PELI2: variants seen among roughly 807,000 people sequenced by gnomAD.
PELI2 encodes E3 ubiquitin-protein ligase pellino homolog 2.
In PELI2, 23 loss-of-function variants were observed where a neutral mutation model predicts 42.3. That is an observed-to-expected ratio of 0.54 (90% CI 0.39 to 0.77). PELI2 has a LOEUF of 0.77. Ranked by LOEUF, PELI2 falls within the 30% of genes least tolerant of loss-of-function variation. The probability of loss-of-function intolerance (pLI) is 0.00; values close to 1 mark genes in which losing one functional copy is unlikely to be tolerated. For synonymous variants in PELI2, 245 were observed against 212.2 expected, an observed-to-expected ratio of 1.15 and a Z score of -1.34; for missense variants, 463 against 553.2, an observed-to-expected ratio of 0.84 and a Z score of 1.64.
At chr14:56,151,636 C>T (rs922888898) in intron 1 of PELI2, among the ~76,000 whole-genome samples, 25 of 152,168 alleles carry the variant, frequency 1.6e-4, no homozygotes, top group Non-Finnish European at 3.5e-4. Context: ...GTTCTCTTCT[C>T]TTAGATGAGG....
chr14:56,182,864 G>C (rs893247492), intron 2 of PELI2, among the ~76,000 whole-genome samples: 1 of 152,066 alleles, frequency 6.6e-6, no homozygotes, highest in Non-Finnish European at 1.5e-5. Flanking sequence ...GATGTGCTGG[G>C]GTCCACTTTG....
chr14:56,259,146 A>G (rs1327754104), intron 2 of PELI2, among the ~76,000 whole-genome samples: 1 of 152,122 alleles, frequency 6.6e-6, no homozygotes, highest in African/African-American at 2.4e-5. Context: ...AGTGAAAGAG[A>G]AGTAAAGACT....
At chr14:56,263,010 G>T (rs1364858693) in intron 2 of PELI2, among the ~76,000 whole-genome samples, 1 of 152,098 alleles carries the variant, frequency 6.6e-6, no homozygotes, top group Non-Finnish European at 1.5e-5. Context: ...TCAAGGATGT[G>T]CAGTGGCGTG....
At chr14:56,211,802 CT>C (rs3837611) in intron 2 of PELI2, among the ~76,000 whole-genome samples, 59,725 of 150,310 alleles carry the variant, frequency 0.4, 12,674 homozygotes, top group South Asian at 0.53. Flanking sequence ...TTAAAAGGCT[CT>C]TTTTTTTTTA....
At chr14:56,164,341 T>C (rs980552565) in intron 1 of PELI2, among the ~76,000 whole-genome samples, 1 of 152,158 alleles carries the variant, frequency 6.6e-6, no homozygotes. Context: ...GTGTATCATA[T>C]TGATTGATTT....
chr14:56,212,219 C>T (rs187040848), intron 2 of PELI2, among the ~76,000 whole-genome samples: 25 of 152,354 alleles, frequency 1.6e-4, no homozygotes, highest in South Asian at 8.3e-4. Context: ...ACAAAACAAT[C>T]CATTCTCTTA....
intron 1 of PELI2, among the ~76,000 whole-genome samples, chr14:56,163,375 T>A (rs1884837232): frequency 6.6e-6 from 1 of 152,168 alleles, no homozygotes; most frequent in Non-Finnish European, 1.5e-5. Flanking sequence ...CAAAAATGAG[T>A]TCACTGTGGG....
At chr14:56,125,579 C>T (rs184508399) in intron 1 of PELI2, among the ~76,000 whole-genome samples, 38 of 152,202 alleles carry the variant, frequency 2.5e-4, no homozygotes, top group African/African-American at 8.9e-4. Flanking sequence ...TTTAAGCCAC[C>T]TTGAGTGGGT....
intron 1 of PELI2, among the ~76,000 whole-genome samples, chr14:56,149,043 T>C (rs1200907033): frequency 1.3e-5 from 2 of 152,204 alleles, no homozygotes; most frequent in African/African-American, 4.8e-5. Context: ...GGTCACCTCC[T>C]TAGCTTACTT....
In PELI2 at chr14:56,230,138, A is replaced by G. The variant is rs576330451; in HGVS notation, c.208-49538A>G. Among the ~76,000 whole-genome samples the G allele has an allele frequency of 1.8e-4, 28 of 152,352 alleles. 1 individual carries two copies. Among genetic ancestry groups the G allele is most frequent in the Middle Eastern group, 3.4e-3 (1 of 294 alleles). ...TCCATTTCTGATTGGTGTACGTGAA[A>G]GTGAAGGGGAGAATGGAACCAAGTT... is the stretch of plus-strand genomic sequence containing the variant. On this transcript the variant is annotated intron_variant, in intron 2 of 5. Coordinates refer to ENST00000267460, the MANE Select transcript of PELI2 (RefSeq NM_021255.3).
chr14:56,187,168 A>G (rs1475944477), intron 2 of PELI2, among the ~76,000 whole-genome samples: 1 of 152,184 alleles, frequency 6.6e-6, no homozygotes, highest in Non-Finnish European at 1.5e-5. Flanking sequence ...GGTAGAAAAT[A>G]TTCTGAAGGA....
intron 2 of PELI2, among the ~76,000 whole-genome samples, chr14:56,212,085 G>C (rs748021193): frequency 3.3e-5 from 5 of 152,202 alleles, no homozygotes; most frequent in Non-Finnish European, 5.9e-5. Context: ...ACCAGTTGGA[G>C]TAGATGTCAC....
At chr14:56,251,944 C>G (rs972642799) in intron 2 of PELI2, among the ~76,000 whole-genome samples, 1 of 151,940 alleles carries the variant, frequency 6.6e-6, no homozygotes, top group African/African-American at 2.4e-5. Context: ...CACCGTAATT[C>G]TTTTTTTTAA....
intron 5 of PELI2, among the ~76,000 whole-genome samples, chr14:56,294,403 A>G (rs1369195587): frequency 1.3e-5 from 2 of 152,176 alleles, no homozygotes; most frequent in Admixed American, 1.3e-4. Flanking sequence ...CCTGGTTTCC[A>G]GTTAGGAAGG....
At chr14:56,131,710 A>T (rs1883490520) in intron 1 of PELI2, among the ~76,000 whole-genome samples, 1 of 152,172 alleles carries the variant, frequency 6.6e-6, no homozygotes, top group South Asian at 2.1e-4. Context: ...AAAAGGCCCA[A>T]ATCTTCATCA....
In PELI2 at chr14:56,118,699, TA is replaced by T; in HGVS notation, c.41del (p.Lys14ArgfsTer4). The T allele has an allele frequency of 6.6e-7, 1 of 1,525,988 alleles. No individual in the cohort carries two copies. Among genetic ancestry groups the T allele is most frequent in the Non-Finnish European group, 8.8e-7 (1 of 1,136,654 alleles). The allele number at this position is 1,525,988 out of a possible 1,614,324, so 94.5% of individuals were successfully genotyped here. On this transcript the variant is annotated frameshift_variant, in exon 1 of 6. Transcript: ENST00000267460. LOFTEE classifies it high-confidence loss of function. ...GCCAGGAGGAACACTGCGCCCCCAA[TA>T]AGGAGCCAGTGAAATACGGGGAGCT... is the stretch of plus-strand genomic sequence containing the variant. Reference protein sequence around the residue: ...PGQEEHCAPNKEPVKYGELVV... With the variant: ...PGQEEHCAPNXEPVKYGELVV...
chr14:56,273,317 A>G lies in PELI2; in HGVS notation c.208-6359A>G, dbSNP rs1889169113. Among the ~76,000 whole-genome samples the G allele has an allele frequency of 6.6e-6, 1 of 152,164 alleles. No homozygotes were observed. Among genetic ancestry groups the G allele is most frequent in the South Asian group, 2.1e-4 (1 of 4,828 alleles). ...ACAGCTGGGAACCCCCAGAGCGGCA[A>G]ATGGAAGCTGCAAGCCTTTCCTGAC... On this transcript the variant is annotated intron_variant, in intron 2 of 5. Coordinates refer to ENST00000267460, the MANE Select transcript of PELI2 (RefSeq NM_021255.3). This position sits in a 1 kb window ranked among gnomAD's most constrained non-coding sequence, Gnocchi z 4.3.
chr14:56,132,140 G>A (rs1883509126), intron 1 of PELI2, among the ~76,000 whole-genome samples: 1 of 152,170 alleles, frequency 6.6e-6, no homozygotes, highest in Non-Finnish European at 1.5e-5. Flanking sequence ...TGGAGGAGGA[G>A]ATGCCATCCC....
Position 56,251,440 on chromosome 14 carries a change from C to T in PELI2, c.208-28236C>T, listed in dbSNP as rs148528355. Among the ~76,000 whole-genome samples the T allele has an allele frequency of 1.3e-3, 199 of 152,294 alleles. 2 individuals are homozygous for T. The highest frequency in any genetic ancestry group is 2.2e-3 in the Non-Finnish European group (149 of 68,018). ...GTCTTTACAGTCAAGTGTTCTAGTA[C>T]GCGAAGCTTAAATGACTTAAGATCA... On this transcript the variant is annotated intron_variant, in intron 2 of 5. Transcript: ENST00000267460.
Sources: allele counts gnomAD v4.1 joint callset (sites outside exome capture counted in the v4.1 genomes callset), GRCh38; gene constraint gnomAD v4.1.1; non-coding constraint Gnocchi (gnomAD v3.1); transcripts MANE v1.5; gene names NCBI Gene and HGNC (gene_info 2026-07-23, HGNC 2026-07-21).